The following UNC5C variants were observed in gnomAD, a reference collection of about 807,000 sequenced individuals.
UNC5C encodes netrin receptor UNC5C.
A neutral mutation model predicts 99.8 loss-of-function variants in UNC5C; 47 were observed. That is an observed-to-expected ratio of 0.47 (90% CI 0.37 to 0.60). The LOEUF (loss-of-function observed/expected upper bound fraction) is 0.60, where lower values mean the gene tolerates loss of function less well. Among genes scored for constraint, UNC5C ranks in the 20% least tolerant of loss-of-function variants. UNC5C has a pLI of 0.00. For synonymous variants in UNC5C, 487 were observed against 452.2 expected, an observed-to-expected ratio of 1.08 and a Z score of -0.98; for missense variants, 1,062 against 1,165.9, an observed-to-expected ratio of 0.91 and a Z score of 1.30.
chr4:95,220,134 A>G lies in UNC5C; in HGVS notation c.1151T>C (p.Val384Ala), dbSNP rs1231711017. Residue 384 changes from valine (V) to alanine (A), a missense_variant, in exon 8 of 16, where the codon GTG becomes GCG. By Grantham distance (64) the Val-to-Ala change is moderately conservative. This residue lies in a region of UNC5C where 810 missense variants were observed against 854.5 expected (regional missense o/e 0.95). Transcript: ENST00000453304. ...SDDVALYVGI[V>A]IAVIVCLAIS... ...CGCCAGGCAAACGATCACTGCTATCACAATCCCAACATAGAGAGCAACATC... is the reference window on the plus strand; with the variant it reads ...CGCCAGGCAAACGATCACTGCTATCGCAATCCCAACATAGAGAGCAACATC... 5.6e-6 allele frequency: 9 copies of G among 1,613,936 alleles called. No individual in the cohort carries two copies. Among genetic ancestry groups the G allele is most frequent in the Non-Finnish European group, 6.8e-6 (8 of 1,179,976 alleles).
At chr4:95,541,408 T>C (rs1722916460) in intron 1 of UNC5C, among the ~76,000 whole-genome samples, 1 of 150,722 alleles carries the variant, frequency 6.6e-6, no homozygotes, top group Non-Finnish European at 1.5e-5. Context: ...CTATCTGTAG[T>C]TTCAGGCATC....
intron 1 of UNC5C, among the ~76,000 whole-genome samples, chr4:95,467,978 T>C (rs1323635621): frequency 3.3e-5 from 5 of 152,092 alleles, no homozygotes; most frequent in African/African-American, 1.2e-4. Flanking sequence ...CTCATTTTCT[T>C]CATGTGGCTG....
intron 1 of UNC5C, among the ~76,000 whole-genome samples, chr4:95,340,329 T>G (rs1002887841): frequency 8.5e-5 from 13 of 152,244 alleles, no homozygotes; most frequent in Admixed American, 7.2e-4. Context: ...TGAAGCATAC[T>G]CCTCTGAAAT....
At chr4:95,407,867 C>A (rs1483573304) in intron 1 of UNC5C, among the ~76,000 whole-genome samples, 1 of 151,870 alleles carries the variant, frequency 6.6e-6, no homozygotes, top group Non-Finnish European at 1.5e-5. Flanking sequence ...TTGCAATTTG[C>A]AATAGTTGAA....
intron 1 of UNC5C, among the ~76,000 whole-genome samples, chr4:95,543,698 A>G (rs1488612990): frequency 6.6e-6 from 1 of 152,226 alleles, no homozygotes; most frequent in Non-Finnish European, 1.5e-5. Context: ...AATAGTGTTC[A>G]TGGATTTATG....
chr4:95,464,973 TA>T (rs1250889171), intron 1 of UNC5C, among the ~76,000 whole-genome samples: 1 of 152,114 alleles, frequency 6.6e-6, no homozygotes, highest in African/African-American at 2.4e-5. Flanking sequence ...GGGTGTTAAA[TA>T]ATGAAAAAGA....
intron 2 of UNC5C, among the ~76,000 whole-genome samples, chr4:95,331,123 T>C (rs62319078): frequency 0.013 from 1,913 of 152,250 alleles, 19 homozygotes; most frequent in Non-Finnish European, 0.02. Flanking sequence ...TCCAGTTCCA[T>C]CCATGTTGCT....
At chr4:95,271,972 C>G (rs764638535) in intron 4 of UNC5C, among the ~76,000 whole-genome samples, 1 of 152,126 alleles carries the variant, frequency 6.6e-6, no homozygotes, top group Non-Finnish European at 1.5e-5. Context: ...CCTTGTTGCT[C>G]CCATCACCTG....
chr4:95,490,884 A>G (rs1221614328), intron 1 of UNC5C, among the ~76,000 whole-genome samples: 1 of 151,746 alleles, frequency 6.6e-6, no homozygotes, highest in Non-Finnish European at 1.5e-5. Flanking sequence ...GTTTCATTGT[A>G]CTAGGTCAAG....
intron 1 of UNC5C, among the ~76,000 whole-genome samples, chr4:95,516,034 C>G (rs969547564): frequency 1.3e-5 from 2 of 152,050 alleles, no homozygotes; most frequent in Admixed American, 6.5e-5. Flanking sequence ...TAGGACAAAT[C>G]AAGTAAAAAA....
intron 12 of UNC5C, among the ~76,000 whole-genome samples, chr4:95,198,335 G>A (rs1044021741): frequency 6.6e-6 from 1 of 152,124 alleles, no homozygotes. Flanking sequence ...CGCATCTTGT[G>A]GGAGAGAGAG....
At chr4:95,201,716 G>C (rs1579225987) in intron 12 of UNC5C, among the ~76,000 whole-genome samples, 1 of 151,752 alleles carries the variant, frequency 6.6e-6, no homozygotes, top group African/African-American at 2.4e-5. Flanking sequence ...CCATTCTCCT[G>C]CCTCAGCCTC....
intron 4 of UNC5C, among the ~76,000 whole-genome samples, chr4:95,259,762 T>C (rs1202637786): frequency 6.6e-6 from 1 of 152,176 alleles, no homozygotes; most frequent in Admixed American, 6.5e-5. Context: ...AAACACAGGT[T>C]ATTAAAATAA....
chr4:95,340,612 A>C (rs145588881), intron 1 of UNC5C, among the ~76,000 whole-genome samples: 1 of 152,170 alleles, frequency 6.6e-6, no homozygotes, highest in African/African-American at 2.4e-5. Flanking sequence ...TAATGCCTTA[A>C]ATGTATTGCA....
At position 95,167,536 on chromosome 4, in the gene UNC5C, G is replaced by C. The variant is rs1267298132; in HGVS notation, c.*1698C>G. On this transcript the variant is annotated 3_prime_UTR_variant, in exon 16 of 16. Coordinates refer to ENST00000453304, the MANE Select transcript of UNC5C (RefSeq NM_003728.4). ...AAAATGCACCAAGTTCCTACTGCCAGATAAACTTGTAGGAGTGGTCTAGAT... is the reference window on the plus strand; with the variant it reads ...AAAATGCACCAAGTTCCTACTGCCACATAAACTTGTAGGAGTGGTCTAGAT... 1 of 152,168 alleles carries C rather than the reference G, an allele frequency of 6.6e-6. No individual in the cohort carries two copies. Among genetic ancestry groups the C allele is most frequent in the Non-Finnish European group, 1.5e-5 (1 of 68,038 alleles). The allele number at this position is 152,168 out of a possible 1,614,324, so 9.4% of individuals were successfully genotyped here.
intron 1 of UNC5C, among the ~76,000 whole-genome samples, chr4:95,463,236 C>G (rs1228588400): frequency 6.6e-6 from 1 of 152,066 alleles, no homozygotes; most frequent in Non-Finnish European, 1.5e-5. Flanking sequence ...CGGGTGGCTG[C>G]GGGGACTGCA....
intron 14 of UNC5C, among the ~76,000 whole-genome samples, chr4:95,177,189 A>T (rs1455572649): frequency 6.6e-6 from 1 of 152,230 alleles, no homozygotes; most frequent in Non-Finnish European, 1.5e-5. Flanking sequence ...GGAAATGCAG[A>T]AATCACCCAT....
At chr4:95,177,273 C>T (rs1344900918) in intron 14 of UNC5C, among the ~76,000 whole-genome samples, 7 of 152,136 alleles carry the variant, frequency 4.6e-5, no homozygotes, top group South Asian at 2.1e-4. Context: ...TTTTAAAGCA[C>T]GTAACTTGTT....
At chr4:95,215,817 C>G (rs1383465923) in intron 10 of UNC5C, among the ~76,000 whole-genome samples, 1 of 152,120 alleles carries the variant, frequency 6.6e-6, no homozygotes, top group African/African-American at 2.4e-5. Context: ...GTCTCTGTGT[C>G]TACCCACTTG....
Sources: allele counts gnomAD v4.1 joint callset (sites outside exome capture counted in the v4.1 genomes callset), GRCh38; gene constraint gnomAD v4.1.1; regional missense constraint gnomAD v4.1.1; transcripts MANE v1.5; gene names NCBI Gene and HGNC (gene_info 2026-07-23, HGNC 2026-07-21).